Variants in ZC3H12B observed in about 807,000 individuals in gnomAD.
The protein encoded by ZC3H12B is zinc finger CCCH-type containing 12B, also known as probable ribonuclease ZC3H12B.
Under a neutral mutation model 43.9 loss-of-function variants are expected in ZC3H12B, and 7 were observed. The ratio of observed to expected loss-of-function variants is 0.16; its 90% confidence interval spans 0.09 to 0.30. The LOEUF (loss-of-function observed/expected upper bound fraction) is 0.30. ZC3H12B is among the 10% of genes least tolerant of loss of function. ZC3H12B has a pLI of 1.00. For missense variants in ZC3H12B, 475 were observed against 670.2 expected (o/e 0.71, Z 3.22); for synonymous variants, 222 against 241.7 (o/e 0.92, Z 0.76).
chrX:65,041,563 G>T, the ZC3H12B span, among the ~76,000 whole-genome samples: 2 of 112,190 alleles, frequency 1.8e-5, no homozygotes, highest in East Asian at 5.6e-4. Context: ...ATTGAGGTAG[G>T]TTATGGTAAA....
chrX:65,118,812 A>C, the ZC3H12B span, among the ~76,000 whole-genome samples: 1 of 67,556 alleles, frequency 1.5e-5, no homozygotes. Flanking sequence ...CCCCCACCCC[A>C]CAACAGGCCC....
At chrX:65,245,259 C>A in the ZC3H12B span, among the ~76,000 whole-genome samples, 1 of 111,320 alleles carries the variant, frequency 9.0e-6, no homozygotes, top group Non-Finnish European at 1.9e-5. Flanking sequence ...AAATAGCCTA[C>A]CAACCAAAAG....
the ZC3H12B span, among the ~76,000 whole-genome samples, chrX:65,161,276 G>T: frequency 3.6e-5 from 4 of 111,293 alleles, no homozygotes; most frequent in Non-Finnish European, 7.5e-5. Flanking sequence ...TATCTATTAG[G>T]TCCGCTTGGT....
the ZC3H12B span, among the ~76,000 whole-genome samples, chrX:65,230,542 A>T: frequency 9.2e-5 from 10 of 108,808 alleles, no homozygotes; most frequent in African/African-American, 1.0e-4. Flanking sequence ...GATATTAATT[A>T]AAAAAAATAT....
chrX:65,250,822 G>A, the ZC3H12B span, among the ~76,000 whole-genome samples: 17 of 111,212 alleles, frequency 1.5e-4, no homozygotes, highest in Admixed American at 1.3e-3. Flanking sequence ...AGTTCTTTGT[G>A]GATTCTGGAT....
chrX:65,405,217 TG>T (rs199727144), intron 3 of ZC3H12B, among the ~76,000 whole-genome samples: 2,034 of 112,451 alleles, frequency 0.018, 36 homozygotes, highest in Middle Eastern at 0.037. Context: ...AGTTTATAGC[TG>T]TAAGTCCCTA....
the ZC3H12B span, chrX:65,331,180 C>T: frequency 2.8e-4 from 54 of 190,476 alleles, no homozygotes; most frequent in East Asian, 5.8e-3. Flanking sequence ...CAAGAGAGCG[C>T]AGCACTCACC....
At chrX:65,224,811 G>A in the ZC3H12B span, among the ~76,000 whole-genome samples, 3 of 111,971 alleles carry the variant, frequency 2.7e-5, no homozygotes, top group Non-Finnish European at 5.6e-5. Flanking sequence ...AGGTGGCAGC[G>A]AGGCTGGGGG....
chrX:65,158,285 G>A, the ZC3H12B span, among the ~76,000 whole-genome samples: 2 of 111,019 alleles, frequency 1.8e-5, no homozygotes, highest in East Asian at 5.7e-4. Context: ...TGGGTATATA[G>A]CCAGTAATGG....
At chrX:65,371,359 A>G (rs1420436234) in intron 2 of ZC3H12B, among the ~76,000 whole-genome samples, 2 of 111,748 alleles carry the variant, frequency 1.8e-5, no homozygotes, top group Non-Finnish European at 3.8e-5. Context: ...CAAGGATGTT[A>G]AAGGTCTGTA....
At chrX:65,059,273 G>A in the ZC3H12B span, among the ~76,000 whole-genome samples, 11 of 98,276 alleles carry the variant, frequency 1.1e-4, no homozygotes, top group East Asian at 1.3e-3. Flanking sequence ...GCGCTTGTGC[G>A]GTATTGCTCA....
At chrX:65,199,003 T>C in the ZC3H12B span, among the ~76,000 whole-genome samples, 1 of 110,252 alleles carries the variant, frequency 9.1e-6, no homozygotes, top group Non-Finnish European at 1.9e-5. Flanking sequence ...ATAATTTTTG[T>C]ATTTTTAGTA....
chrX:65,145,155 G>A, the ZC3H12B span, among the ~76,000 whole-genome samples: 1 of 110,524 alleles, frequency 9.0e-6, no homozygotes, highest in East Asian at 2.8e-4. Flanking sequence ...ACCAGTGTTA[G>A]GTGCATATAT....
At chrX:65,176,106 C>T in the ZC3H12B span, among the ~76,000 whole-genome samples, 1 of 112,236 alleles carries the variant, frequency 8.9e-6, no homozygotes, top group Admixed American at 9.4e-5. Flanking sequence ...GCAGATCCCA[C>T]ACCCACGGAG....
chrX:65,172,283 G>T, the ZC3H12B span, among the ~76,000 whole-genome samples: 3 of 112,189 alleles, frequency 2.7e-5, no homozygotes, highest in Non-Finnish European at 5.6e-5. Flanking sequence ...TGATGGAGTT[G>T]TTTGTTTTTT....
At chrX:65,193,780 C>T in the ZC3H12B span, among the ~76,000 whole-genome samples, 1 of 111,673 alleles carries the variant, frequency 9.0e-6, no homozygotes, top group Admixed American at 9.6e-5. Flanking sequence ...AAGTTTTCCT[C>T]TTAGTGTTGC....
chrX:65,499,397 G>A (rs1311108749), intron 3 of ZC3H12B, 164 bp downstream of exon 8: 2 of 425,004 alleles, frequency 4.7e-6, no homozygotes, highest in African/African-American at 2.5e-5. Context: ...GACTCAAAGT[G>A]TAGTAGAGGA....
the ZC3H12B span, among the ~76,000 whole-genome samples, chrX:65,103,975 A>G: frequency 2.7e-5 from 3 of 111,951 alleles, no homozygotes; most frequent in Non-Finnish European, 5.6e-5. Context: ...ATCCTAAGCA[A>G]AAAGAACAAA....
the ZC3H12B span, among the ~76,000 whole-genome samples, chrX:65,232,108 G>A: frequency 9.1e-6 from 1 of 110,329 alleles, no homozygotes; most frequent in Non-Finnish European, 1.9e-5. Context: ...AAGCATGGTG[G>A]CAGGTGCCTG....
Sources: gnomAD v4.1 joint callset for allele counts (sites outside exome capture counted in the v4.1 genomes callset) on GRCh38, gnomAD v4.1.1 for gene constraint, MANE v1.5 for transcripts, NCBI Gene and HGNC (gene_info 2026-07-23, HGNC 2026-07-21) for gene names.